Variants in ARAP2 observed in about 807,000 individuals in gnomAD.
ARAP2 encodes ArfGAP with RhoGAP domain, ankyrin repeat and PH domain 2, also known as arf-GAP with Rho-GAP domain, ANK repeat and PH domain-containing protein 2.
In ARAP2, 148 loss-of-function variants were observed where a neutral mutation model predicts 194.5. The observed-to-expected ratio is 0.76, with a 90% CI of 0.67 to 0.87. The LOEUF (loss-of-function observed/expected upper bound fraction) is 0.87, where lower values mean the gene tolerates loss of function less well. ARAP2 is among the 40% of genes least tolerant of loss of function. The pLI is 0.00. For missense variants in ARAP2, 2,128 were observed against 1,989.7 expected (o/e 1.07, Z -1.32); for synonymous variants, 695 against 683.5 (o/e 1.02, Z -0.26).
chr4:36,180,912 G>A (rs970802523), intron 8 of ARAP2, among the ~76,000 whole-genome samples: 5 of 152,116 alleles, frequency 3.3e-5, no homozygotes, highest in East Asian at 1.9e-4. Context: ...AAGGAACAAC[G>A]GAACAGATAA....
chr4:36,121,125 G>C (rs1296691797), intron 23 of ARAP2, 54 bp downstream of exon 23: 15 of 1,341,006 alleles, frequency 1.1e-5, no homozygotes, highest in Non-Finnish European at 1.5e-5. Flanking sequence ...AATATTTGTT[G>C]GCAAACAGTG....
intron 5 of ARAP2, among the ~76,000 whole-genome samples, chr4:36,038,018 T>C (rs1424278692): frequency 6.6e-6 from 1 of 152,214 alleles, no homozygotes; most frequent in African/African-American, 2.4e-5. Context: ...GCTTTTTGTG[T>C]CTTCTCCTTC....
At chr4:36,168,972 A>T (rs1250361674) in intron 9 of ARAP2, among the ~76,000 whole-genome samples, 2 of 152,100 alleles carry the variant, frequency 1.3e-5, no homozygotes, top group Non-Finnish European at 2.9e-5. Context: ...TATTTTTTTT[A>T]AATTCCCCAA....
At chr4:36,237,311 C>T (rs948294488) in intron 1 of ARAP2, among the ~76,000 whole-genome samples, 2 of 152,178 alleles carry the variant, frequency 1.3e-5, no homozygotes, top group African/African-American at 4.8e-5. Flanking sequence ...ATATGGACAA[C>T]ATGCTGAACT....
At chr4:36,144,040 T>G (rs971285405) in intron 19 of ARAP2, among the ~76,000 whole-genome samples, 1 of 151,782 alleles carries the variant, frequency 6.6e-6, no homozygotes, top group Non-Finnish European at 1.5e-5. Context: ...CTTCCATATA[T>G]GAGGGGCTGG....
At chr4:36,186,282 C>T (rs1740548875) in intron 8 of ARAP2, among the ~76,000 whole-genome samples, 1 of 152,090 alleles carries the variant, frequency 6.6e-6, no homozygotes, top group East Asian at 1.9e-4. Flanking sequence ...ATAAAATACA[C>T]AACAGAGAAC....
chr4:36,203,570 C>T (rs1165615116), intron 6 of ARAP2, among the ~76,000 whole-genome samples: 1 of 151,874 alleles, frequency 6.6e-6, no homozygotes, highest in African/African-American at 2.4e-5. Flanking sequence ...GGTGACAGAG[C>T]AACACTGTGT....
intron 5 of ARAP2, among the ~76,000 whole-genome samples, chr4:36,023,441 G>C (rs1260458897): frequency 6.6e-6 from 1 of 152,052 alleles, no homozygotes; most frequent in Admixed American, 6.6e-5. Flanking sequence ...TATGCAACAG[G>C]GGGTTAATGC....
intron 23 of ARAP2, 58 bp downstream of exon 23, chr4:36,121,121 T>G: frequency 5.3e-6 from 7 of 1,312,252 alleles, no homozygotes; most frequent in African/African-American, 1.5e-5. Context: ...CATAAATATT[T>G]GTTGGCAAAC....
At chr4:36,016,131 C>T (rs960073172) in intron 6 of ARAP2, among the ~76,000 whole-genome samples, 2 of 152,062 alleles carry the variant, frequency 1.3e-5, no homozygotes, top group Non-Finnish European at 2.9e-5. Flanking sequence ...GAATGAACTG[C>T]AGGCATATGT....
intron 19 of ARAP2, among the ~76,000 whole-genome samples, chr4:36,138,766 C>T (rs1727479124): frequency 6.6e-6 from 1 of 151,632 alleles, no homozygotes; most frequent in Non-Finnish European, 1.5e-5. Context: ...TGTAAACCAA[C>T]TGTATTATTT....
intron 27 of ARAP2, among the ~76,000 whole-genome samples, chr4:36,101,224 T>C (rs1716827888): frequency 6.6e-6 from 1 of 151,918 alleles, no homozygotes; most frequent in African/African-American, 2.4e-5. Flanking sequence ...GGAGACGTGG[T>C]AGTGTCCTGT....
intron 28 of ARAP2, among the ~76,000 whole-genome samples, chr4:36,091,674 G>A (rs978453545): frequency 6.6e-6 from 1 of 152,064 alleles, no homozygotes; most frequent in Non-Finnish European, 1.5e-5. Context: ...CTCAAAATCT[G>A]AGGTGCCTAA....
At chr4:36,136,148 C>G (rs550696950) in intron 19 of ARAP2, among the ~76,000 whole-genome samples, 4 of 151,772 alleles carry the variant, frequency 2.6e-5, no homozygotes, top group Non-Finnish European at 5.9e-5. Flanking sequence ...TTTGTGGACA[C>G]TGAATAAAGC....
chr4:36,107,507 T>C, intron 27 of ARAP2, 58 bp downstream of exon 27: 1 of 1,513,166 alleles, frequency 6.6e-7, no homozygotes, highest in South Asian at 1.3e-5. Flanking sequence ...CCATATTAAT[T>C]ACCCTTTAAC....
chr4:36,163,378 A>C (rs555610125), intron 11 of ARAP2, among the ~76,000 whole-genome samples: 48 of 152,338 alleles, frequency 3.2e-4, no homozygotes, highest in South Asian at 2.7e-3. Flanking sequence ...AATAATAAAG[A>C]TAGTAAGTGA....
chr4:36,234,737 T>C (rs1752140629), intron 1 of ARAP2, among the ~76,000 whole-genome samples: 1 of 152,218 alleles, frequency 6.6e-6, no homozygotes, highest in African/African-American at 2.4e-5. Flanking sequence ...GCACAGCACT[T>C]ATAACAACAA....
chr4:36,110,098 GT>G (rs1251643748), intron 26 of ARAP2, among the ~76,000 whole-genome samples: 1 of 151,820 alleles, frequency 6.6e-6, no homozygotes, highest in African/African-American at 2.4e-5. Context: ...CACATGGCTG[GT>G]TAAGGTGAGG....
chr4:36,170,487 C>T (rs1736364647), intron 9 of ARAP2, among the ~76,000 whole-genome samples: 1 of 152,154 alleles, frequency 6.6e-6, no homozygotes. Context: ...TCAGAACATA[C>T]AAAAACCAAA....
Sources: gnomAD v4.1 joint callset for allele counts (sites outside exome capture counted in the v4.1 genomes callset) on GRCh38, gnomAD v4.1.1 for gene constraint, MANE v1.5 for transcripts, NCBI Gene and HGNC (gene_info 2026-07-23, HGNC 2026-07-21) for gene names.